The following VTA1 variants were observed in gnomAD, a reference collection of about 807,000 sequenced individuals.
VTA1 encodes vesicle trafficking 1.
VTA1 carries 24 observed loss-of-function variants against 36.9 expected under a neutral mutation model. The observed-to-expected ratio is 0.65, with a 90% CI of 0.47 to 0.91. VTA1 has a LOEUF of 0.91. Ranked by LOEUF, VTA1 falls within the 40% of genes least tolerant of loss-of-function variation. The pLI, the probability that VTA1 is intolerant of heterozygous loss-of-function variation, is 0.00. For missense variants in VTA1, 393 were observed against 377.2 expected, an observed-to-expected ratio of 1.04 and a Z score of -0.35; for synonymous variants, 142 against 130.2, an observed-to-expected ratio of 1.09 and a Z score of -0.62.
At chr6:142,152,665 C>G (rs939948536) in intron 1 of VTA1, among the ~76,000 whole-genome samples, 24 of 151,988 alleles carry the variant, frequency 1.6e-4, no homozygotes, top group Non-Finnish European at 4.4e-5. Context: ...TTCAAAGATA[C>G]AACTTTTAGA....
intron 4 of VTA1, among the ~76,000 whole-genome samples, chr6:142,186,003 T>C (rs1272079784): frequency 6.6e-6 from 1 of 152,166 alleles, no homozygotes; most frequent in Non-Finnish European, 1.5e-5. Context: ...GGAGGACACT[T>C]TGTCAGCATC....
intron 1 of VTA1, among the ~76,000 whole-genome samples, chr6:142,152,460 G>GT (rs1296034135): frequency 6.6e-6 from 1 of 151,912 alleles, no homozygotes; most frequent in Non-Finnish European, 1.5e-5. Flanking sequence ...TGGGGGGATT[G>GT]TTTTTTGTGA....
At chr6:142,188,115 G>T (rs755734421) in intron 4 of VTA1, among the ~76,000 whole-genome samples, 1 of 150,588 alleles carries the variant, frequency 6.6e-6, no homozygotes, top group African/African-American at 2.4e-5. Context: ...CACCATATTG[G>T]CCAGGCTGGT....
Position 142,219,389 on chromosome 6 carries a change from G to C in VTA1, c.*746G>C, listed in dbSNP as rs1776062361. 6.6e-6 allele frequency: 1 copy of C among 152,194 alleles called. No homozygotes were observed. Among genetic ancestry groups the C allele is most frequent in the Non-Finnish European group, 1.5e-5 (1 of 68,042 alleles). 9.4% of individuals were successfully genotyped at this position (152,194 alleles called of 1,614,324 possible). On this transcript the variant is annotated 3_prime_UTR_variant, in exon 8 of 8. Coordinates refer to ENST00000367630, the MANE Select transcript of VTA1 (RefSeq NM_016485.5). ...ATGAAAAGAAGATATTTGTAGTAAT[G>C]CCTGGAAACTTGGTGCTTTAAATTA...
chr6:142,198,474 C>T lies in VTA1; in HGVS notation c.556C>T (p.Leu186=). ...EENEDAGAAS[L]PTQPTQPSSS... is the part of the protein sequence containing the mutation. The stretch of plus-strand genomic sequence containing the variant: ...AAATGAAGATGCTGGAGCAGCCTCT[C>T]TGCCCACTCAGCCAACTCAGCCATC... Residue 186 remains leucine (L), a synonymous_variant, in exon 6 of 8, where the codon CTG becomes TTG. Transcript: ENST00000367630. The T allele has an allele frequency of 6.2e-7, 1 of 1,614,048 alleles. No homozygotes were observed.
At chr6:142,162,452 C>G (rs1774829019) in intron 1 of VTA1, among the ~76,000 whole-genome samples, 1 of 152,084 alleles carries the variant, frequency 6.6e-6, no homozygotes, top group Non-Finnish European at 1.5e-5. Context: ...ATTATTTTAT[C>G]ATATTGGCCA....
intron 4 of VTA1, among the ~76,000 whole-genome samples, chr6:142,181,103 A>G (rs1232908045): frequency 1.8e-5 from 2 of 109,840 alleles, no homozygotes; most frequent in Non-Finnish European, 3.9e-5. Flanking sequence ...AAATATATAT[A>G]TATATATATA....
intron 7 of VTA1, among the ~76,000 whole-genome samples, chr6:142,212,298 C>T (rs1424775746): frequency 1.3e-5 from 2 of 152,158 alleles, no homozygotes. Context: ...GATAAATAAA[C>T]TGCAGTACAT....
At chr6:142,170,730 C>T (rs952367799) in intron 4 of VTA1, among the ~76,000 whole-genome samples, 6 of 151,404 alleles carry the variant, frequency 4.0e-5, no homozygotes, top group Non-Finnish European at 8.8e-5. Flanking sequence ...CCTGCCCGGG[C>T]TCAAGCAATT....
chr6:142,160,303 T>C (rs1193391193), intron 1 of VTA1, among the ~76,000 whole-genome samples: 1 of 152,210 alleles, frequency 6.6e-6, no homozygotes, highest in Non-Finnish European at 1.5e-5. Context: ...CTTCACTCTC[T>C]CTGGTTGGAG....
At chr6:142,180,884 T>A (rs2114655960) in intron 4 of VTA1, among the ~76,000 whole-genome samples, 1 of 151,824 alleles carries the variant, frequency 6.6e-6, no homozygotes, top group African/African-American at 2.4e-5. Context: ...ATCATGCTCC[T>A]TAGATTAGAT....
intron 4 of VTA1, among the ~76,000 whole-genome samples, chr6:142,172,653 C>A (rs225665): frequency 0.35 from 53,485 of 152,016 alleles, 10,848 homozygotes; most frequent in Middle Eastern, 0.49. Flanking sequence ...ATTAATGATC[C>A]AAATTTTCTT....
chr6:142,196,215 G>A (rs182960197), intron 5 of VTA1, among the ~76,000 whole-genome samples: 129 of 152,180 alleles, frequency 8.5e-4, no homozygotes, highest in African/African-American at 2.6e-3. Flanking sequence ...TTTAAAGTTA[G>A]CCACCCCAGC....
chr6:142,181,157 G>A lies in VTA1; in HGVS notation c.412-8269G>A, dbSNP rs1219707363. On this transcript the variant is annotated intron_variant, in intron 4 of 7. Coordinates refer to ENST00000367630, the MANE Select transcript of VTA1 (RefSeq NM_016485.5). ...GACACACTTTTTTTTTTTTTGATACGGAGTCTCGCTCTGTTGCCCAGGGTG... is the reference window on the plus strand; with the variant it reads ...GACACACTTTTTTTTTTTTTGATACAGAGTCTCGCTCTGTTGCCCAGGGTG... Among the ~76,000 whole-genome samples the A allele has an allele frequency of 8.0e-5, 9 of 112,594 alleles. 1 individual carries two copies. Among genetic ancestry groups the A allele is most frequent in the South Asian group, 3.0e-4 (1 of 3,378 alleles). The allele number at this position is 112,594 out of a possible 152,430, so 73.9% of individuals were successfully genotyped here.
chr6:142,213,441 CAGT>C lies in VTA1; in HGVS notation c.779-5054_779-5052del, dbSNP rs527967279. Among the ~76,000 whole-genome samples the C allele has an allele frequency of 4.3e-4, 66 of 152,296 alleles. 1 individual carries two copies. Among genetic ancestry groups the C allele is most frequent in the African/African-American group, 1.5e-3 (64 of 41,588 alleles). Reference sequence around the variant, plus strand: ...TTTCCAGGTGCATGATGTAAGCTGTCAGTAGGTCTACCATTCTGAGGTCTAGAG... The same window carrying C: ...TTTCCAGGTGCATGATGTAAGCTGTCAGGTCTACCATTCTGAGGTCTAGAG... On this transcript the variant is annotated intron_variant, in intron 7 of 7. Coordinates refer to ENST00000367630, the MANE Select transcript of VTA1 (RefSeq NM_016485.5).
intron 7 of VTA1, among the ~76,000 whole-genome samples, chr6:142,217,588 A>C (rs1776026513): frequency 6.6e-6 from 1 of 151,620 alleles, no homozygotes; most frequent in African/African-American, 2.4e-5. Flanking sequence ...AAATATATAC[A>C]TATGGCAAAA....
At chr6:142,170,493 C>T (rs1775008788) in intron 4 of VTA1, 72 bp downstream of exon 4, 1 of 1,067,928 alleles carries the variant, frequency 9.4e-7, no homozygotes, top group African/African-American at 1.6e-5. Context: ...ATTGTTATTG[C>T]ATTGTTTATT....
Position 142,222,127 on chromosome 6 carries a change from A to G in VTA1, c.*3484A>G, listed in dbSNP as rs1480772236. On this transcript the variant is annotated 3_prime_UTR_variant, in exon 8 of 8. Coordinates refer to ENST00000367630, the MANE Select transcript of VTA1 (RefSeq NM_016485.5). ...AAACTGGATGTGAGGTACGAACATA[A>G]GAGAAGGAGTAAAGGTTGACTCCAG... 6.6e-6 allele frequency: 1 copy of G among 152,060 alleles called. No individual in the cohort carries two copies. Among genetic ancestry groups the G allele is most frequent in the Non-Finnish European group, 1.5e-5 (1 of 68,010 alleles). 9.4% of individuals were successfully genotyped at this position (152,060 alleles called of 1,614,324 possible). A position where few individuals can be genotyped will look rare whatever the true frequency, so the allele number is the denominator to read the frequency against.
At chr6:142,162,482 A>G (rs372181890) in intron 1 of VTA1, among the ~76,000 whole-genome samples, 1 of 152,196 alleles carries the variant, frequency 6.6e-6, no homozygotes, top group East Asian at 1.9e-4. Flanking sequence ...TAGATCATGA[A>G]TAATTACCTG....
Sources: gnomAD v4.1 joint callset for allele counts (sites outside exome capture counted in the v4.1 genomes callset) on GRCh38, gnomAD v4.1.1 for gene constraint, MANE v1.5 for transcripts, NCBI Gene and HGNC (gene_info 2026-07-23, HGNC 2026-07-21) for gene names.